ZKSCAN7: variants seen among roughly 807,000 people sequenced by gnomAD.
ZKSCAN7 encodes zinc finger protein with KRAB and SCAN domains 7.
Under a neutral mutation model 65.3 loss-of-function variants are expected in ZKSCAN7, and 38 were observed. The ratio of observed to expected loss-of-function variants is 0.58; its 90% confidence interval spans 0.45 to 0.76. The LOEUF is 0.76. ZKSCAN7 is among the 30% of genes least tolerant of loss of function. ZKSCAN7 has a pLI of 0.00. For synonymous variants in ZKSCAN7, 321 were observed against 321.0 expected, an observed-to-expected ratio of 1.00 and a Z score of 0.00; for missense variants, 815 against 913.3, an observed-to-expected ratio of 0.89 and a Z score of 1.39.
At chr3:44,555,665 A>G (rs1699269081) in intron 1 of ZKSCAN7, 184 bp downstream of exon 1, 1 of 152,252 alleles carries the variant, frequency 6.6e-6, no homozygotes, top group Non-Finnish European at 1.5e-5. Flanking sequence ...AGCATTCGGA[A>G]CACTATGGGA....
downstream of ZKSCAN7, among the ~76,000 whole-genome samples, chr3:44,576,969 T>C (rs1255246316): frequency 6.6e-6 from 1 of 152,082 alleles, no homozygotes; most frequent in East Asian, 1.9e-4. Context: ...CAAAATCTTT[T>C]TTTTTTTTTT....
intron 5 of ZKSCAN7, chr3:44,579,980 G>C (rs948957144): frequency 3.1e-6 from 5 of 1,587,638 alleles, no homozygotes; most frequent in Admixed American, 3.3e-5. Flanking sequence ...GAGCTTGGGG[G>C]GGGGCTTCAT....
chr3:44,581,613 C>T (rs148473225), intron 5 of ZKSCAN7, among the ~76,000 whole-genome samples: 44 of 151,980 alleles, frequency 2.9e-4, no homozygotes, highest in Non-Finnish European at 5.3e-4. Flanking sequence ...AGGGAACCCA[C>T]GAAAAAAGGT....
Position 44,570,034 on chromosome 3 carries a change from A to C in ZKSCAN7, c.924A>C (p.Ala308=). 1 of 1,613,968 alleles carries C rather than the reference A, an allele frequency of 6.2e-7. No homozygotes were observed. ...GACTCTTTGGGGTGGTTCCTGGGGC[A>C]GCAGAGACTGGAGATGTTTGTGAAG... ...SGGLFGVVPG[A]AETGDVCEDT... The change falls in exon 6 of 6, where the codon GCA becomes GCC. Residue 308 remains alanine (A), a synonymous_variant. Coordinates refer to ENST00000426540, the MANE Select transcript of ZKSCAN7 (RefSeq NM_001288590.2).
chr3:44,574,518 T>A (rs1396015247), downstream of ZKSCAN7, among the ~76,000 whole-genome samples: 1 of 152,232 alleles, frequency 6.6e-6, no homozygotes, highest in African/African-American at 2.4e-5. Flanking sequence ...AGGGATGTTT[T>A]TAGTATTTCA....
intron 5 of ZKSCAN7, chr3:44,580,941 C>T (rs1458976867): frequency 1.9e-5 from 30 of 1,612,544 alleles, no homozygotes; most frequent in Non-Finnish European, 2.4e-5. Flanking sequence ...ATGCGACTCG[C>T]GGGGCTGGAA....
intron 5 of ZKSCAN7, chr3:44,580,429 G>A (rs1448659787): frequency 4.4e-6 from 7 of 1,600,300 alleles, no homozygotes; most frequent in African/African-American, 2.7e-5. Context: ...TCCTGCCAGA[G>A]TGTGGACTTG....
exon 6 of ZKSCAN7, chr3:44,583,051 T>A (rs1249243564): frequency 1.2e-5 from 5 of 408,442 alleles, no homozygotes; most frequent in Non-Finnish European, 2.5e-5. Context: ...CTCAGACTCC[T>A]GAGTAGCTGG....
At chr3:44,578,493 G>A (rs530188520) in intron 5 of ZKSCAN7, among the ~76,000 whole-genome samples, 1 of 152,380 alleles carries the variant, frequency 6.6e-6, no homozygotes, top group South Asian at 2.1e-4. Flanking sequence ...CACTGCCGCA[G>A]GGCCTGCTGC....
chr3:44,562,319 G>A (rs145484525), intron 2 of ZKSCAN7, among the ~76,000 whole-genome samples: 62 of 152,320 alleles, frequency 4.1e-4, no homozygotes, highest in Non-Finnish European at 7.4e-4. Flanking sequence ...TCCTGAGGCT[G>A]CACAGAGCAG....
In ZKSCAN7 at chr3:44,571,632, T is replaced by C. The variant is rs1454346453; in HGVS notation, c.*257T>C. The C allele has an allele frequency of 7.6e-7, 1 of 1,322,114 alleles. No homozygotes were observed. The highest frequency in any genetic ancestry group is 3.0e-5 in the East Asian group (1 of 33,146). 81.9% of individuals were successfully genotyped at this position (1,322,114 alleles called of 1,614,324 possible). A position where few individuals can be genotyped will look rare whatever the true frequency, so the allele number is the denominator to read the frequency against. ...TACTTTTAAATTTTAACTTTTAAAATCTATTTCATTTCTTAGTTATGCATC... is the reference window on the plus strand; with the variant it reads ...TACTTTTAAATTTTAACTTTTAAAACCTATTTCATTTCTTAGTTATGCATC... On this transcript the variant is annotated 3_prime_UTR_variant, in exon 6 of 6. Coordinates refer to ENST00000426540, the MANE Select transcript of ZKSCAN7 (RefSeq NM_001288590.2).
intron 3 of ZKSCAN7, among the ~76,000 whole-genome samples, chr3:44,567,247 GGGAAGGGAAGAGTGAA>G (rs761720852): frequency 4.0e-5 from 6 of 151,496 alleles, no homozygotes; most frequent in Non-Finnish European, 7.4e-5. Context: ...AGGAGGGGAA[GGGAAGGGAAGAGTGAA>G]GGAAGGGAAG....
At chr3:44,575,476 AT>A (rs1260182783), downstream of ZKSCAN7, among the ~76,000 whole-genome samples, 10 of 152,264 alleles carry the variant, frequency 6.6e-5, no homozygotes, top group African/African-American at 2.4e-4. Context: ...ATACACTATA[AT>A]AAAAGTTTTA....
Position 44,571,531 on chromosome 3 carries a change from A to C in ZKSCAN7, c.*156A>C. On this transcript the variant is annotated 3_prime_UTR_variant, in exon 6 of 6. Transcript: ENST00000426540. ...TAAGGTGGGAGAGTAGGAGTAACTT[A>C]TTCCAGTTCTTACCCATTATTAGGA... is the stretch of plus-strand genomic sequence containing the variant. 1.3e-6 allele frequency: 2 copies of C among 1,539,586 alleles called. No individual in the cohort carries two copies. Among genetic ancestry groups the C allele is most frequent in the Non-Finnish European group, 1.7e-6 (2 of 1,147,402 alleles).
intron 2 of ZKSCAN7, 73 bp downstream of exon 2, chr3:44,557,543 C>G: frequency 6.3e-7 from 1 of 1,598,160 alleles, no homozygotes; most frequent in Non-Finnish European, 8.5e-7. Context: ...TAGGCATTCT[C>G]CACTTCCCAG....
chr3:44,571,591 T>G lies in ZKSCAN7; in HGVS notation c.*216T>G. On this transcript the variant is annotated 3_prime_UTR_variant, in exon 6 of 6. Transcript: ENST00000426540. The stretch of plus-strand genomic sequence containing the variant: ...CTACACATGTCATTGAATTGTAGGT[T>G]TCCTTTTTTTTTCTTTACTTTTAAA... The G allele has an allele frequency of 7.4e-7, 1 of 1,359,224 alleles. No homozygotes were observed. The highest frequency in any genetic ancestry group is 9.4e-7 in the Non-Finnish European group (1 of 1,059,356). The allele number at this position is 1,359,224 out of a possible 1,614,324, so 84.2% of individuals were successfully genotyped here. A position where few individuals can be genotyped will look rare whatever the true frequency, so the allele number is the denominator to read the frequency against.
At position 44,572,122 on chromosome 3, in the gene ZKSCAN7, C is replaced by T; in HGVS notation, c.*747C>T. The T allele has an allele frequency of 1.0e-6, 1 of 983,798 alleles. No individual in the cohort carries two copies. The highest frequency in any genetic ancestry group is 1.2e-6 in the Non-Finnish European group (1 of 828,504). The allele number at this position is 983,798 out of a possible 1,614,324, so 60.9% of individuals were successfully genotyped here. ...TTTCCCATATAGATAGTATTTTGTA[C>T]ATACCAGTTGTTAAATAAATAATTT... On this transcript the variant is annotated 3_prime_UTR_variant, in exon 6 of 6. Transcript: ENST00000426540.
chr3:44,563,683 C>A (rs1699550029), intron 2 of ZKSCAN7, among the ~76,000 whole-genome samples: 1 of 150,348 alleles, frequency 6.7e-6, no homozygotes, highest in Non-Finnish European at 1.5e-5. Context: ...AGTCACTTCC[C>A]ACTGGGCCCC....
intron 1 of ZKSCAN7, among the ~76,000 whole-genome samples, chr3:44,556,565 G>C (rs1699299463): frequency 6.6e-6 from 1 of 152,196 alleles, no homozygotes; most frequent in Admixed American, 6.5e-5. Flanking sequence ...CATTAAATAG[G>C]AGTTAAATAA....
Sources: gnomAD v4.1 joint callset for allele counts (sites outside exome capture counted in the v4.1 genomes callset) on GRCh38, gnomAD v4.1.1 for gene constraint, MANE v1.5 for transcripts, NCBI Gene and HGNC (gene_info 2026-07-23, HGNC 2026-07-21) for gene names.